Variants in VPS13A observed in about 807,000 individuals in gnomAD.
The protein encoded by VPS13A is intermembrane lipid transfer protein VPS13A.
In VPS13A, 264 loss-of-function variants were observed where a neutral mutation model predicts 390.9. The observed-to-expected ratio is 0.68, with a 90% confidence interval of 0.61 to 0.75. The LOEUF is 0.75. VPS13A is among the 30% of genes least tolerant of loss of function. VPS13A has a pLI of 0.00. For missense variants in VPS13A, 3,409 were observed against 3,733.9 expected, an observed-to-expected ratio of 0.91 and a Z score of 2.27; for synonymous variants, 1,231 against 1,227.1, an observed-to-expected ratio of 1.00 and a Z score of -0.07.
chr9:77,214,722 A>G (rs1369461014), intron 10 of VPS13A, among the ~76,000 whole-genome samples: 10 of 152,226 alleles, frequency 6.6e-5, no homozygotes, highest in African/African-American at 2.2e-4. Flanking sequence ...AAGGCTAGCT[A>G]GTACAGCCTT....
chr9:77,222,272 C>T (rs1310292709), intron 13 of VPS13A, among the ~76,000 whole-genome samples: 1 of 152,034 alleles, frequency 6.6e-6, no homozygotes, highest in African/African-American at 2.4e-5. Context: ...AACCTGAGTC[C>T]TCCAAGTCTG....
At chr9:77,178,812 G>T (rs565276820) in intron 1 of VPS13A, among the ~76,000 whole-genome samples, 1 of 152,202 alleles carries the variant, frequency 6.6e-6, no homozygotes, top group Non-Finnish European at 1.5e-5. Context: ...TGTGTGTGAA[G>T]TGTGTGTGTT....
Position 77,340,398 on chromosome 9 carries a change from T to TC in VPS13A, c.6880-5dup, listed in dbSNP as rs1554666796. 4.3e-6 allele frequency: 7 copies of TC among 1,613,086 alleles called. No individual in the cohort carries two copies. Among genetic ancestry groups the TC allele is most frequent in the Non-Finnish European group, 5.9e-6 (7 of 1,179,554 alleles). On this transcript the variant is annotated splice_region_variant and splice_polypyrimidine_tract_variant and intron_variant, in intron 49 of 71. Transcript: ENST00000360280. ...AGTTTTTGAGCTGTTAATTTTTTTTTCTTAGGTTGGTGTCACTATAGACCT... is the reference window on the plus strand; with the variant it reads ...AGTTTTTGAGCTGTTAATTTTTTTTTCCTTAGGTTGGTGTCACTATAGACCT...
chr9:77,392,124 C>T (rs1052285334), intron 68 of VPS13A, among the ~76,000 whole-genome samples: 2 of 152,162 alleles, frequency 1.3e-5, no homozygotes, highest in African/African-American at 4.8e-5. Context: ...ATATGCAAGG[C>T]TGTAAAGAAC....
intron 62 of VPS13A, 61 bp from the exon 63 acceptor site, chr9:77,369,238 A>T: frequency 7.6e-7 from 1 of 1,309,252 alleles, no homozygotes; most frequent in Non-Finnish European, 1.1e-6. Context: ...GTTTTAAATA[A>T]TGTATAAGAA....
chr9:77,318,353 C>T lies in VPS13A; in HGVS notation c.5075C>T (p.Thr1692Ile), dbSNP rs1363775292. Residue 1692 changes from threonine to isoleucine, a missense_variant, in exon 41 of 72, where the codon ACA (threonine) becomes ATA (isoleucine). Transcript: ENST00000360280. ...STAHLWEKKDTKTLKMWFLEE... is the reference protein window; with the variant it reads ...STAHLWEKKDIKTLKMWFLEE... ...GCACATTTATGGGAAAAGAAGGATA[C>T]AAAGACTTTAAAAATGTGGTTTCTT... 4 of 1,613,442 alleles carry T rather than the reference C, an allele frequency of 2.5e-6. No homozygotes were observed. The African/African-American group carries it at 5.3e-5, about 22-fold the overall frequency.
rs201607062 is a variant in VPS13A, at chr9:77,219,950, T to C, written c.755-4T>C. ...GTTTTTTTTCCATTTTTATTATTTT[T>C]CAGTATTTCGTCCCATATCTGCTAA... is the stretch of plus-strand genomic sequence containing the variant. On this transcript the variant is annotated splice_region_variant and splice_polypyrimidine_tract_variant and intron_variant, in intron 10 of 71. Coordinates refer to ENST00000360280, the MANE Select transcript of VPS13A (RefSeq NM_033305.3). 6.8e-6 allele frequency: 11 copies of C among 1,613,366 alleles called. No homozygotes were observed. In the East Asian group the frequency reaches 2.5e-4, roughly 36 times the overall value.
In VPS13A at chr9:77,199,939, T is replaced by G; in HGVS notation, c.101-6T>G. The G allele has an allele frequency of 6.2e-7, 1 of 1,600,258 alleles. No homozygotes were observed. Among genetic ancestry groups the G allele is most frequent in the Non-Finnish European group, 8.5e-7 (1 of 1,175,122 alleles). On this transcript the variant is annotated splice_polypyrimidine_tract_variant and splice_region_variant and intron_variant, in intron 1 of 71. Transcript: ENST00000360280. ...TTGTTTGAATCTTTTTTTTAATCTT[T>G]TTTAGGAGCTGTGGCCCTCAAGAAT... is the stretch of plus-strand genomic sequence containing the variant.
chr9:77,255,503 C>T (rs978893974), intron 22 of VPS13A, among the ~76,000 whole-genome samples: 2 of 152,188 alleles, frequency 1.3e-5, no homozygotes, highest in East Asian at 1.9e-4. Flanking sequence ...TATTGGACTA[C>T]AGATTTCTTT....
In VPS13A at chr9:77,418,767, A is replaced by C. The variant is rs1221957390; in HGVS notation, c.*2761A>C. On this transcript the variant is annotated 3_prime_UTR_variant, in exon 72 of 72. Coordinates refer to ENST00000360280, the MANE Select transcript of VPS13A (RefSeq NM_033305.3). ...TTACGTGATATTTTCTATCATAATT[A>C]TCTCTCTCATTTCTTCCAATAGTAA... is the stretch of plus-strand genomic sequence containing the variant. The C allele has an allele frequency of 6.6e-6, 1 of 152,166 alleles. No homozygotes were observed. The highest frequency in any genetic ancestry group is 1.9e-4 in the East Asian group (1 of 5,194). The allele number at this position is 152,166 out of a possible 1,614,324, so 9.4% of individuals were successfully genotyped here.
chr9:77,183,336 G>C (rs546639506), intron 1 of VPS13A, among the ~76,000 whole-genome samples: 2 of 152,274 alleles, frequency 1.3e-5, no homozygotes, highest in South Asian at 4.1e-4. Flanking sequence ...ATACCTAGAA[G>C]TTTCCTTGTG....
chr9:77,364,884 A>G lies in VPS13A; in HGVS notation c.8212-576A>G, dbSNP rs543875436. On this transcript the variant is annotated intron_variant, in intron 59 of 71. Coordinates refer to ENST00000360280, the MANE Select transcript of VPS13A (RefSeq NM_033305.3). ...AAATTGATTTCTAAATATACTTTTT[A>G]TAAGGCTATCATTTCTTATGTTTTT... Among the ~76,000 whole-genome samples, 5 of 152,270 alleles carry G rather than the reference A, an allele frequency of 3.3e-5. 1 individual carries two copies. The highest frequency in any genetic ancestry group is 4.1e-4 in the South Asian group (2 of 4,822).
Position 77,328,008 on chromosome 9 carries a change from G to A in VPS13A, c.5992-4002G>A, listed in dbSNP as rs1290191312. Among the ~76,000 whole-genome samples the A allele has an allele frequency of 2.0e-5, 3 of 152,136 alleles. No homozygotes were observed. In the East Asian group the frequency reaches 5.8e-4, roughly 29 times the overall value. On this transcript the variant is annotated intron_variant, in intron 45 of 71. Coordinates refer to ENST00000360280, the MANE Select transcript of VPS13A (RefSeq NM_033305.3). ...ATCAGAGGAATCACTATCTATGGGA[G>A]CTGTTGCCTTAAAAAATGTATTTCT...
At chr9:77,257,053 T>TAA (rs1303572358) in intron 22 of VPS13A, among the ~76,000 whole-genome samples, 2 of 152,178 alleles carry the variant, frequency 1.3e-5, no homozygotes, top group African/African-American at 4.8e-5. Context: ...CTGTATGTCT[T>TAA]ACAGCTTTTT....
At chr9:77,363,829 G>A (rs1041741258) in intron 59 of VPS13A, among the ~76,000 whole-genome samples, 9 of 152,172 alleles carry the variant, frequency 5.9e-5, no homozygotes, top group Admixed American at 2.6e-4. Flanking sequence ...TTTGGGAAGA[G>A]ATTAATAGTT....
chr9:77,353,571 T>A lies in VPS13A; in HGVS notation c.7582T>A (p.Leu2528Ile). The A allele has an allele frequency of 6.2e-7, 1 of 1,613,526 alleles. No individual in the cohort carries two copies. Among genetic ancestry groups the A allele is most frequent in the Non-Finnish European group, 8.5e-7 (1 of 1,179,628 alleles). The change falls in exon 54 of 72, where the codon TTA (leucine) becomes ATA (isoleucine). Residue 2528 changes from leucine (L) to isoleucine (I), a missense_variant. Around this residue, in one of 5 missense-constraint regions of VPS13A, gnomAD observed 221 missense variants for 300.7 expected, o/e 0.73. Coordinates refer to ENST00000360280, the MANE Select transcript of VPS13A (RefSeq NM_033305.3). ...ELAEQEIAVALQDVGISLVNN... is the reference protein window; with the variant it reads ...ELAEQEIAVAIQDVGISLVNN... ...AGCAGAGCAAGAAATTGCAGTGGCA[T>A]TACAAGATGTTGGAATTTCTCTTGT...
intron 53 of VPS13A, among the ~76,000 whole-genome samples, chr9:77,353,106 A>G (rs1173239142): frequency 1.3e-5 from 2 of 152,162 alleles, no homozygotes; most frequent in Admixed American, 1.3e-4. Flanking sequence ...GCAGAAAAAA[A>G]TACTTTGTGT....
intron 68 of VPS13A, among the ~76,000 whole-genome samples, 183 bp from the exon 69 acceptor site, chr9:77,403,053 A>C (rs1372740755): frequency 1.3e-5 from 2 of 152,228 alleles, no homozygotes; most frequent in Non-Finnish European, 2.9e-5. Flanking sequence ...ATGTTAAATA[A>C]AGTAGTGCAA....
At chr9:77,400,680 T>G (rs570537508) in intron 68 of VPS13A, among the ~76,000 whole-genome samples, 1 of 151,390 alleles carries the variant, frequency 6.6e-6, no homozygotes, top group Admixed American at 6.6e-5. Flanking sequence ...AAAAAAAAAT[T>G]AGCCGGGCGT....
Sources: gnomAD v4.1 joint callset for allele counts (sites outside exome capture counted in the v4.1 genomes callset) on GRCh38, gnomAD v4.1.1 for gene constraint, gnomAD v4.1.1 regional missense constraint, MANE v1.5 for transcripts, NCBI Gene and HGNC (gene_info 2026-07-23, HGNC 2026-07-21) for gene names.